The following IHO1 variants were observed in gnomAD, a reference collection of about 807,000 sequenced individuals.
The protein encoded by IHO1 is interactor of HORMAD1 1.
Under a neutral mutation model 31.0 loss-of-function variants are expected in IHO1, and 13 were observed. The observed-to-expected ratio is 0.42, with a 90% CI of 0.27 to 0.67. The LOEUF is 0.67. Ranked by LOEUF, IHO1 falls within the 30% of genes least tolerant of loss-of-function variation. IHO1 has a pLI of 0.24. For synonymous variants in IHO1, 221 were observed against 248.4 expected, an observed-to-expected ratio of 0.89 and a Z score of 1.04; for missense variants, 599 against 687.5, an observed-to-expected ratio of 0.87 and a Z score of 1.44.
intron 2 of IHO1, among the ~76,000 whole-genome samples, chr3:49,219,245 G>A (rs550238921): frequency 7.9e-4 from 120 of 152,270 alleles, no homozygotes; most frequent in African/African-American, 2.8e-3. Flanking sequence ...TGACGCCCAC[G>A]CTGAAGGTGG....
chr3:49,245,916 G>C (rs1238081347), intron 6 of IHO1, among the ~76,000 whole-genome samples: 1 of 152,090 alleles, frequency 6.6e-6, no homozygotes, highest in African/African-American at 2.4e-5. Flanking sequence ...GGGCACAGTG[G>C]CTCCCACTTG....
intron 2 of IHO1, among the ~76,000 whole-genome samples, chr3:49,231,051 A>T (rs2046476203): frequency 1.3e-5 from 2 of 152,174 alleles, no homozygotes; most frequent in South Asian, 4.1e-4. Flanking sequence ...TCACCTACTG[A>T]TGTTATTGCC....
At position 49,212,183 on chromosome 3, in the gene IHO1, A is replaced by G. The variant is rs576589510; in HGVS notation, c.56+347A>G. On this transcript the variant is annotated intron_variant, in intron 2 of 7. Transcript: ENST00000452691. ...CGTCTCAAAAAAAAAAAAAAAAAAA[A>G]GGATTTTCCAGTTTCATTGATTTCA... 4.3e-4 allele frequency among the ~76,000 whole-genome samples: 62 copies of G among 145,168 alleles called. No homozygotes were observed. The Middle Eastern group carries it at 0.011, about 27-fold the overall frequency.
chr3:49,236,488 A>T, intron 2 of IHO1, 60 bp from the exon 3 acceptor site: 1 of 1,294,616 alleles, frequency 7.7e-7, no homozygotes, highest in Non-Finnish European at 1.1e-6. Flanking sequence ...GCTGTGAACT[A>T]TGATTTCATT....
At chr3:49,215,342 C>T (rs528115402) in intron 2 of IHO1, among the ~76,000 whole-genome samples, 1 of 152,282 alleles carries the variant, frequency 6.6e-6, no homozygotes, top group African/African-American at 2.4e-5. Context: ...TGACTCCATG[C>T]CTGGCCTTCA....
At chr3:49,255,593 G>T in intron 7 of IHO1, 100 bp downstream of exon 7, 1 of 674,282 alleles carries the variant, frequency 1.5e-6, no homozygotes, top group Non-Finnish European at 2.3e-6. Context: ...ACAGAGTCTC[G>T]CTTTGTCGTG....
In IHO1 at chr3:49,244,463, AT is replaced by A; in HGVS notation, c.444+12del. The A allele has an allele frequency of 6.5e-7, 1 of 1,532,248 alleles. No individual in the cohort carries two copies. Among genetic ancestry groups the A allele is most frequent in the Non-Finnish European group, 8.9e-7 (1 of 1,122,790 alleles). The allele number at this position is 1,532,248 out of a possible 1,614,324, so 94.9% of individuals were successfully genotyped here. ...GAAAGCATTCTCAGGGTAAGTACAGATACTTTTCAAGGAGTTAGAACATCTT... is the reference window on the plus strand; with the variant it reads ...GAAAGCATTCTCAGGGTAAGTACAGAACTTTTCAAGGAGTTAGAACATCTT... On this transcript the variant is annotated intron_variant, in intron 5 of 7. Coordinates refer to ENST00000452691, the MANE Select transcript of IHO1 (RefSeq NM_001135197.2).
At chr3:49,233,017 C>T (rs1035231823) in intron 2 of IHO1, among the ~76,000 whole-genome samples, 1 of 152,094 alleles carries the variant, frequency 6.6e-6, no homozygotes, top group African/African-American at 2.4e-5. Flanking sequence ...TGGACCTGGT[C>T]AGAAATAATG....
At chr3:49,240,369 G>A (rs754866378) in intron 3 of IHO1, among the ~76,000 whole-genome samples, 2 of 152,232 alleles carry the variant, frequency 1.3e-5, no homozygotes, top group Admixed American at 6.5e-5. Context: ...GATTACAGGC[G>A]CCTGCCAGCA....
chr3:49,247,851 G>A (rs189096930), intron 6 of IHO1, among the ~76,000 whole-genome samples: 108 of 151,258 alleles, frequency 7.1e-4, no homozygotes, highest in Admixed American at 4.2e-3. Context: ...AAGGGTGGGC[G>A]TGGTGGTTCA....
At chr3:49,200,437 C>T (rs1336278828) in intron 1 of IHO1, 1 of 325,674 alleles carries the variant, frequency 3.1e-6, no homozygotes, top group East Asian at 2.0e-4. Context: ...TGCACTCCAG[C>T]CTGGGCGACA....
intron 3 of IHO1, among the ~76,000 whole-genome samples, chr3:49,239,769 T>G (rs2046607156): frequency 6.6e-6 from 1 of 151,784 alleles, no homozygotes; most frequent in African/African-American, 2.4e-5. Context: ...TTTAAGCAAT[T>G]CTCCTGCCTC....
At chr3:49,191,810 T>A in the IHO1 span, 1 of 1,536,756 alleles carries the variant, frequency 6.5e-7, no homozygotes, top group Non-Finnish European at 8.7e-7. Flanking sequence ...ACTTTCCTCT[T>A]GTCTTTTGGA....
chr3:49,242,607 GGATTAGGAAGTTGGACAAC>G (rs2046644134), intron 4 of IHO1, among the ~76,000 whole-genome samples: 1 of 152,034 alleles, frequency 6.6e-6, no homozygotes, highest in Non-Finnish European at 1.5e-5. Context: ...CAGATCATCA[GGATTAGGAAGTTGGACAAC>G]ATTATTTATT....
chr3:49,201,772 G>A (rs1022957090), intron 1 of IHO1, among the ~76,000 whole-genome samples: 7 of 152,024 alleles, frequency 4.6e-5, no homozygotes, highest in African/African-American at 1.4e-4. Context: ...CAAAAAATTA[G>A]CCAGGTATGA....
upstream of IHO1, among the ~76,000 whole-genome samples, chr3:49,196,961 C>A (rs1021048159): frequency 3.6e-5 from 5 of 137,174 alleles, no homozygotes; most frequent in African/African-American, 1.4e-4. Context: ...TGAGCCACTG[C>A]GCCAGGCCAC....
In IHO1 at chr3:49,255,399, CTA is replaced by C; in HGVS notation, c.545_546del (p.Ile182ThrfsTer5). 1 of 1,599,722 alleles carries C rather than the reference CTA, an allele frequency of 6.3e-7. No individual in the cohort carries two copies. The highest frequency in any genetic ancestry group is 8.5e-7 in the Non-Finnish European group (1 of 1,175,756). ...ACTGTTTTGTATTTAGTACAAGAGA[CTA>C]TACAGGCCCAGAATGACCTGGTGTT... On this transcript the variant is annotated frameshift_variant, in exon 7 of 8. Coordinates refer to ENST00000452691, the MANE Select transcript of IHO1 (RefSeq NM_001135197.2). LOFTEE classifies it high-confidence loss of function.
chr3:49,256,597 C>T lies in IHO1; in HGVS notation c.1100C>T (p.Ala367Val). ...AACTGGGCTGTTACTAAAACAGGTG[C>T]CAAGAACCATGGTTCCAGCGTCCCA... ...CKNWAVTKTGAKNHGSSVPGH... is the reference protein window; with the variant it reads ...CKNWAVTKTGVKNHGSSVPGH... Residue 367 changes from alanine (A) to valine (V), a missense_variant, in exon 8 of 8, where the codon GCC becomes GTC. Ala to Val is a moderately conservative substitution (Grantham distance 64). Coordinates refer to ENST00000452691, the MANE Select transcript of IHO1 (RefSeq NM_001135197.2). This position sits in a 1 kb window ranked among gnomAD's most constrained non-coding sequence, Gnocchi z 4.6. 1 of 1,614,160 alleles carries T rather than the reference C, an allele frequency of 6.2e-7. No individual in the cohort carries two copies. The highest frequency in any genetic ancestry group is 8.5e-7 in the Non-Finnish European group (1 of 1,180,026).
At chr3:49,247,004 A>G (rs1022699985) in intron 6 of IHO1, among the ~76,000 whole-genome samples, 10 of 151,726 alleles carry the variant, frequency 6.6e-5, no homozygotes, top group African/African-American at 2.4e-4. Context: ...GCCTGCCACC[A>G]TGCCTGGCTA....
Sources: gnomAD v4.1 joint callset for allele counts (sites outside exome capture counted in the v4.1 genomes callset) on GRCh38, gnomAD v4.1.1 for gene constraint, Gnocchi (gnomAD v3.1) non-coding constraint, MANE v1.5 for transcripts, NCBI Gene and HGNC (gene_info 2026-07-23, HGNC 2026-07-21) for gene names.